The following CNGB3 variants were observed in gnomAD, a reference collection of about 807,000 sequenced individuals.
The protein encoded by CNGB3 is cyclic nucleotide gated channel subunit beta 3, also known as cyclic nucleotide-gated channel beta-3.
In CNGB3, 86 loss-of-function variants were observed where a neutral mutation model predicts 92.8. The observed-to-expected ratio is 0.93, with a 90% CI of 0.78 to 1.11. CNGB3 has a LOEUF of 1.11. CNGB3 is among the 50% of genes least tolerant of loss of function. The pLI is 0.00. For synonymous variants in CNGB3, 333 were observed against 332.7 expected (o/e 1.00, Z -0.01); for missense variants, 1,026 against 956.8 (o/e 1.07, Z -0.95).
At chr8:86,580,390 G>A (rs907565624) in intron 15 of CNGB3, among the ~76,000 whole-genome samples, 3 of 152,206 alleles carry the variant, frequency 2.0e-5, no homozygotes, top group Non-Finnish European at 4.4e-5. Context: ...CCTCACTTGA[G>A]TGTGTCTGTT....
intron 6 of CNGB3, chr8:86,659,327 G>T: frequency 8.5e-7 from 1 of 1,172,214 alleles, no homozygotes; most frequent in Non-Finnish European, 1.3e-6. Flanking sequence ...GCTCCTCCAT[G>T]GCCTGCTGTA....
intron 14 of CNGB3, among the ~76,000 whole-genome samples, chr8:86,607,409 C>A (rs979689046): frequency 6.6e-6 from 1 of 152,052 alleles, no homozygotes; most frequent in African/African-American, 2.4e-5. Flanking sequence ...AGTGAGGTAA[C>A]CCCTGGAGAT....
In CNGB3 at chr8:86,602,663, T is replaced by C. The variant is rs149828805; in HGVS notation, c.1781+1430A>G. ...AACTGCCTGACAGGGTACTCTTCTATTCATCATATGAGCCAGTATCTCAGT... is the reference window on the plus strand; with the variant it reads ...AACTGCCTGACAGGGTACTCTTCTACTCATCATATGAGCCAGTATCTCAGT... On this transcript the variant is annotated intron_variant, in intron 15 of 17. Transcript: ENST00000320005. Among the ~76,000 whole-genome samples, 76 of 152,326 alleles carry C rather than the reference T, an allele frequency of 5.0e-4. 1 individual carries two copies. Among genetic ancestry groups the C allele is most frequent in the African/African-American group, 1.8e-3 (74 of 41,572 alleles).
chr8:86,730,179 C>A (rs1825134398), intron 2 of CNGB3, among the ~76,000 whole-genome samples: 1 of 152,180 alleles, frequency 6.6e-6, no homozygotes. Context: ...TGTAGCAGCA[C>A]AACATGGAGA....
intron 15 of CNGB3, among the ~76,000 whole-genome samples, chr8:86,603,490 C>A (rs1822349813): frequency 6.6e-6 from 1 of 152,066 alleles, no homozygotes; most frequent in Non-Finnish European, 1.5e-5. Flanking sequence ...CAATAAGAAG[C>A]AATGGTAAAA....
intron 14 of CNGB3, among the ~76,000 whole-genome samples, chr8:86,606,652 T>C (rs1489715873): frequency 2.0e-5 from 3 of 152,242 alleles, no homozygotes; most frequent in Non-Finnish European, 4.4e-5. Flanking sequence ...TAGCAGAACA[T>C]GCTACTTTAT....
chr8:86,604,202 C>T lies in CNGB3; in HGVS notation c.1672G>A (p.Gly558Ser), dbSNP rs749413012. ...GDFVCKKGEI[G>S]KEMYIIKHGE... ...TGCTTGATGATATACATTTCCTTGC[C>T]AATTTCTCCCTACATTTTAAATATA... Residue 558 changes from glycine to serine, a missense_variant, in exon 15 of 18, where the codon GGC (glycine) becomes AGC (serine). Gly to Ser is a moderately conservative substitution (Grantham distance 56). Transcript: ENST00000320005. 1 of 1,596,170 alleles carries T rather than the reference C, an allele frequency of 6.3e-7. No individual in the cohort carries two copies. Among genetic ancestry groups the T allele is most frequent in the South Asian group, 1.1e-5 (1 of 90,622 alleles).
intron 3 of CNGB3, among the ~76,000 whole-genome samples, chr8:86,694,853 C>T (rs1480864925): frequency 1.3e-5 from 2 of 148,564 alleles, no homozygotes; most frequent in East Asian, 2.1e-4. Flanking sequence ...ACGTCCCAGA[C>T]GATGGGCGGC....
At chr8:86,644,146 T>A (rs954415267) in intron 9 of CNGB3, among the ~76,000 whole-genome samples, 1 of 151,258 alleles carries the variant, frequency 6.6e-6, no homozygotes, top group African/African-American at 2.4e-5. Flanking sequence ...GTGAAAGACA[T>A]GCCTCAAAGG....
In CNGB3 at chr8:86,652,365, TAG is replaced by T. The variant is rs557239584; in HGVS notation, c.903+1645_903+1646del. On this transcript the variant is annotated intron_variant, in intron 7 of 17. Transcript: ENST00000320005. Reference sequence around the variant, plus strand: ...ACTACTGTAGACTTTATAAACACTGTAGAGTTAGGCTACACTAAATTTATTTA... The same window carrying T: ...ACTACTGTAGACTTTATAAACACTGTAGTTAGGCTACACTAAATTTATTTA... Among the ~76,000 whole-genome samples, 36 of 152,054 alleles carry T rather than the reference TAG, an allele frequency of 2.4e-4. 1 individual carries two copies. The East Asian group carries it at 6.8e-3, about 29-fold the overall frequency.
At chr8:86,720,813 CAT>C (rs4024072) in intron 3 of CNGB3, among the ~76,000 whole-genome samples, 6,428 of 134,434 alleles carry the variant, frequency 0.048, 203 homozygotes, top group East Asian at 0.13. Flanking sequence ...TATTCCATGG[CAT>C]ATATATATAT....
At chr8:86,645,291 C>A (rs1215860129) in intron 8 of CNGB3, among the ~76,000 whole-genome samples, 7 of 151,222 alleles carry the variant, frequency 4.6e-5, no homozygotes, top group Admixed American at 4.0e-4. Context: ...TTATCTCAAC[C>A]TTTTCTGCCT....
At chr8:86,655,030 C>T (rs990404623) in intron 6 of CNGB3, among the ~76,000 whole-genome samples, 5 of 152,156 alleles carry the variant, frequency 3.3e-5, no homozygotes, top group Admixed American at 6.5e-5. Context: ...CATCATTCTT[C>T]ATTCTCCTTG....
chr8:86,738,205 A>ATT (rs35163230), intron 2 of CNGB3, among the ~76,000 whole-genome samples: 8 of 151,380 alleles, frequency 5.3e-5, no homozygotes, highest in South Asian at 4.2e-4. Context: ...TCATTTTTGT[A>ATT]TTTATTTGGT....
chr8:86,680,646 C>T (rs1824064625), intron 3 of CNGB3, among the ~76,000 whole-genome samples: 1 of 152,102 alleles, frequency 6.6e-6, no homozygotes, highest in Admixed American at 6.6e-5. Context: ...AGCAGGATGG[C>T]AACAATCAAA....
At chr8:86,622,697 A>G (rs1267714260) in intron 13 of CNGB3, among the ~76,000 whole-genome samples, 1 of 152,198 alleles carries the variant, frequency 6.6e-6, no homozygotes, top group African/African-American at 2.4e-5. Context: ...TTACTGGCAT[A>G]AGCCATGGAA....
rs376799761 is a variant in CNGB3, at chr8:86,644,694, G to A, written c.991-8C>T. 4.8e-5 allele frequency: 72 copies of A among 1,504,232 alleles called. No homozygotes were observed. Among genetic ancestry groups the A allele is most frequent in the Non-Finnish European group, 5.8e-5 (65 of 1,121,616 alleles). 93.2% of individuals were successfully genotyped at this position (1,504,232 alleles called of 1,614,324 possible). ...TTCAAAAAATGAAGTGTACTATATA[G>A]AAAAGCAAAAGAAATCCAAAAGCAT... is the stretch of plus-strand genomic sequence containing the variant. On this transcript the variant is annotated splice_region_variant and splice_polypyrimidine_tract_variant and intron_variant, in intron 8 of 17. Coordinates refer to ENST00000320005, the MANE Select transcript of CNGB3 (RefSeq NM_019098.5).
chr8:86,708,732 G>T (rs1428049498), intron 3 of CNGB3, among the ~76,000 whole-genome samples: 4 of 151,648 alleles, frequency 2.6e-5, no homozygotes, highest in South Asian at 2.1e-4. Context: ...CATGCCTGAA[G>T]AATTTATTTA....
At chr8:86,643,396 A>G (rs1823229907) in intron 10 of CNGB3, among the ~76,000 whole-genome samples, 1 of 151,338 alleles carries the variant, frequency 6.6e-6, no homozygotes, top group Non-Finnish European at 1.5e-5. Context: ...GTATGTTTGT[A>G]TCCTTTAATC....
Sources: allele counts gnomAD v4.1 joint callset (sites outside exome capture counted in the v4.1 genomes callset), GRCh38; gene constraint gnomAD v4.1.1; transcripts MANE v1.5; gene names NCBI Gene and HGNC (gene_info 2026-07-23, HGNC 2026-07-21).